CRLF2: variants seen among roughly 807,000 people sequenced by gnomAD.
The protein encoded by CRLF2 is cytokine receptor-like factor 2.
Under a neutral mutation model 38.7 loss-of-function variants are expected in CRLF2, and 41 were observed. That is an observed-to-expected ratio of 1.06 (90% CI 0.83 to 1.37). The LOEUF (loss-of-function observed/expected upper bound fraction) is 1.37, where lower values mean the gene tolerates loss of function less well. Ranked by LOEUF, CRLF2 falls within the 40% of genes most tolerant of loss-of-function variation. CRLF2 has a pLI of 0.00. For synonymous variants in CRLF2, 140 were observed against 128.8 expected (o/e 1.09, Z -0.59); for missense variants, 377 against 322.2 (o/e 1.17, Z -1.30).
chrX:1,202,479 C>T lies in CRLF2; in HGVS notation c.406G>A (p.Val136Met), dbSNP rs138899368. The change falls in exon 4 of 8, where the codon GTG becomes ATG. Residue 136 changes from valine (V) to methionine (M), a missense_variant. By Grantham distance (21) the Val-to-Met change is conservative. Coordinates refer to ENST00000400841, the MANE Select transcript of CRLF2 (RefSeq NM_022148.4). ...CCGTAGGACAGGTCAGAACACGTCACCGTCACTGCATCCTGATGCCACGAA... is the reference window on the plus strand; with the variant it reads ...CCGTAGGACAGGTCAGAACACGTCATCGTCACTGCATCCTGATGCCACGAA... The part of the protein sequence containing the change: ...RFSWHQDAVT[V>M]TCSDLSYGDL... 35,378 of 1,613,560 alleles carry T rather than the reference C, an allele frequency of 0.022. 467 individuals are homozygous for T. Among genetic ancestry groups the T allele is most frequent in the Non-Finnish European group, 0.024 (28,826 of 1,179,558 alleles).
chrX:1,206,600 C>A lies in CRLF2; in HGVS notation c.183-1G>T. 6.2e-7 allele frequency: 1 copy of A among 1,612,906 alleles called. No individual in the cohort carries two copies. The highest frequency in any genetic ancestry group is 8.5e-7 in the Non-Finnish European group (1 of 1,179,214). On this transcript the variant is annotated splice_acceptor_variant, in intron 2 of 7. Coordinates refer to ENST00000400841, the MANE Select transcript of CRLF2 (RefSeq NM_022148.4). LOFTEE classifies it high-confidence loss of function. ...GTCATAGGCCTCATCACCGTTGAAT[C>A]TGTGGTTTAAAACGATGACCATTCA...
chrX:1,211,260 G>A (rs1255380483), intron 1 of CRLF2, among the ~76,000 whole-genome samples: 18 of 141,284 alleles, frequency 1.3e-4, no homozygotes, highest in Non-Finnish European at 2.3e-4. Context: ...TGGATGGGTG[G>A]ATGGATGGAT....
intron 6 of CRLF2, among the ~76,000 whole-genome samples, chrX:1,195,401 T>A (rs2086457531): frequency 6.6e-6 from 1 of 151,860 alleles, no homozygotes; most frequent in African/African-American, 2.4e-5. Flanking sequence ...ACAGCTTACC[T>A]GGACTTCTTT....
chrX:1,193,892 C>T (rs1276047931), intron 6 of CRLF2, among the ~76,000 whole-genome samples: 1 of 150,798 alleles, frequency 6.6e-6, no homozygotes, highest in African/African-American at 2.4e-5. Context: ...ACCTGGGAGG[C>T]AGAGGTTGCA....
intron 4 of CRLF2, 45 bp downstream of exon 4, chrX:1,202,357 G>C (rs751101316): frequency 5.6e-6 from 9 of 1,610,318 alleles, no homozygotes; most frequent in Non-Finnish European, 7.6e-6. Flanking sequence ...CGCACCTGGG[G>C]GACGCTCAGC....
intron 5 of CRLF2, among the ~76,000 whole-genome samples, chrX:1,197,611 C>T (rs9803571): frequency 0.32 from 48,232 of 151,304 alleles, 9,400 homozygotes; most frequent in East Asian, 0.56. Flanking sequence ...GTCAGGAGTT[C>T]GAGACCAGCC....
intron 3 of CRLF2, among the ~76,000 whole-genome samples, chrX:1,205,853 T>A (rs545766192): frequency 2.0e-5 from 3 of 151,780 alleles, no homozygotes; most frequent in African/African-American, 7.2e-5. Flanking sequence ...TCAGTACTTA[T>A]GGTAATAAGC....
chrX:1,198,435 G>C (rs1260937675), intron 5 of CRLF2, 127 bp downstream of exon 5: 26 of 594,774 alleles, frequency 4.4e-5, no homozygotes, highest in South Asian at 1.3e-4. Flanking sequence ...CTCCCAGGAA[G>C]GCAGGACACC....
chrX:1,191,361 C>CTTTCTTTCTTTCTTTCTCT (rs1230620683), intron 7 of CRLF2, among the ~76,000 whole-genome samples: 1 of 73,172 alleles, frequency 1.4e-5, no homozygotes, highest in Non-Finnish European at 2.7e-5. Flanking sequence ...TTCTTTCTTT[C>CTTTCTTTCTTTCTTTCTCT]CTTTCTTTCT....
intron 2 of CRLF2, among the ~76,000 whole-genome samples, chrX:1,208,390 C>A (rs2086729269): frequency 6.6e-6 from 1 of 152,056 alleles, no homozygotes; most frequent in African/African-American, 2.4e-5. Context: ...GAATCACCAT[C>A]TCTACTAAAA....
intron 5 of CRLF2, among the ~76,000 whole-genome samples, chrX:1,197,427 C>G (rs1199075105): frequency 6.6e-6 from 1 of 151,984 alleles, no homozygotes; most frequent in East Asian, 1.9e-4. Context: ...AACATGTAGC[C>G]TTTGGAGGCT....
chrX:1,197,821 AT>A (rs2147830555), intron 5 of CRLF2, among the ~76,000 whole-genome samples: 1 of 151,794 alleles, frequency 6.6e-6, no homozygotes, highest in East Asian at 1.9e-4. Context: ...CTAAAAAAAA[AT>A]AAAAATAAAA....
intron 3 of CRLF2, among the ~76,000 whole-genome samples, chrX:1,204,755 G>C (rs1158266855): frequency 6.7e-6 from 1 of 148,476 alleles, no homozygotes; most frequent in Non-Finnish European, 1.5e-5. Flanking sequence ...TCGAACTCCA[G>C]ACCTCAAGTG....
chrX:1,199,373 C>T (rs1423377027), intron 4 of CRLF2, among the ~76,000 whole-genome samples: 4 of 151,952 alleles, frequency 2.6e-5, no homozygotes, highest in African/African-American at 4.8e-5. Flanking sequence ...GGTGCGGTCT[C>T]GGCTCACTGC....
At chrX:1,204,266 T>C (rs2086656351) in intron 3 of CRLF2, among the ~76,000 whole-genome samples, 1 of 151,970 alleles carries the variant, frequency 6.6e-6, no homozygotes, top group South Asian at 2.1e-4. Context: ...TTCACTCTTG[T>C]TGTCCAGGCT....
At position 1,208,850 on chromosome X, in the gene CRLF2, C is replaced by G; in HGVS notation, c.138G>C (p.Trp46Cys). Residue 46 changes from tryptophan to cysteine, a missense_variant, in exon 2 of 8, where the codon TGG becomes TGC. Transcript: ENST00000400841. The stretch of plus-strand genomic sequence containing the variant: ...TGGTCCTGGAGTATTTGCTGGCATT[C>G]CATGTCACCTGCACGGTTTCTAAAT... ...YFNLETVQVT[W>C]NASKYSRTNL... 2 of 1,612,936 alleles carry G rather than the reference C, an allele frequency of 1.2e-6. No individual in the cohort carries two copies. Among genetic ancestry groups the G allele is most frequent in the Non-Finnish European group, 1.7e-6 (2 of 1,178,956 alleles).
rs2086805769 is a variant in CRLF2, at chrX:1,211,747, AAGTGGATAAAAGTGTGGGTGAATGCATG to A, written c.79+781_79+808del. On this transcript the variant is annotated intron_variant, in intron 1 of 7. Transcript: ENST00000400841. Reference sequence around the variant, plus strand: ...TGGATGGATGGATGGATGGATGGATAAGTGGATAAAAGTGTGGGTGAATGCATGGATAGATGGATGTATTGGTGGATGG... The same window carrying A: ...TGGATGGATGGATGGATGGATGGATAGATAGATGGATGTATTGGTGGATGG... Among the ~76,000 whole-genome samples the A allele has an allele frequency of 1.8e-4, 5 of 28,260 alleles. No individual in the cohort carries two copies. The South Asian group carries it at 4.1e-3, about 23-fold the overall frequency. The allele number at this position is 28,260 out of a possible 152,430, so 18.5% of individuals were successfully genotyped here.
At chrX:1,209,385 G>A (rs1322330484) in intron 1 of CRLF2, among the ~76,000 whole-genome samples, 3 of 146,196 alleles carry the variant, frequency 2.1e-5, no homozygotes, top group Non-Finnish European at 4.5e-5. Flanking sequence ...AGGCTGGACT[G>A]CAGTGGCGCA....
Position 1,198,718 on chromosome X carries a change from G to C in CRLF2, c.490C>G (p.Gln164Glu). 4.5e-6 allele frequency: 7 copies of C among 1,564,548 alleles called. No individual in the cohort carries two copies. The highest frequency in any genetic ancestry group is 6.1e-6 in the Non-Finnish European group (7 of 1,143,858). Reference protein sequence around the residue: ...SPFDTEWQSKQENTCNVTIEG... With the variant: ...SPFDTEWQSKEENTCNVTIEG... ...ATGGTGACGTTGCAGGTATTTTCCTGTTTGGACTGGAGAAACATACACACA... is the reference window on the plus strand; with the variant it reads ...ATGGTGACGTTGCAGGTATTTTCCTCTTTGGACTGGAGAAACATACACACA... Residue 164 changes from glutamine to glutamate, a missense_variant, in exon 5 of 8, where the codon CAG becomes GAG. By Grantham distance (29) the Gln-to-Glu change is conservative (BLOSUM62 2). Coordinates refer to ENST00000400841, the MANE Select transcript of CRLF2 (RefSeq NM_022148.4).
Sources: allele counts gnomAD v4.1 joint callset (sites outside exome capture counted in the v4.1 genomes callset), GRCh38; gene constraint gnomAD v4.1.1; transcripts MANE v1.5; gene names NCBI Gene and HGNC (gene_info 2026-07-23, HGNC 2026-07-21).